Variants in PTPRD observed in about 807,000 individuals in gnomAD.
The protein encoded by PTPRD is receptor-type tyrosine-protein phosphatase delta.
In PTPRD, 34 loss-of-function variants were observed where a neutral mutation model predicts 214.5. The ratio of observed to expected loss-of-function variants is 0.16; its 90% CI spans 0.12 to 0.21. The LOEUF (loss-of-function observed/expected upper bound fraction) is 0.21, where lower values mean the gene tolerates loss of function less well. PTPRD is among the 10% of genes least tolerant of loss of function. PTPRD has a pLI of 1.00. For missense variants in PTPRD, 2,545 were observed against 2,398.7 expected (o/e 1.06, Z -1.27); for synonymous variants, 1,128 against 845.7 (o/e 1.33, Z -5.79).
chr9:9,836,321 C>G (rs1316589502), intron 5 of PTPRD, among the ~76,000 whole-genome samples: 1 of 152,150 alleles, frequency 6.6e-6, no homozygotes, highest in Non-Finnish European at 1.5e-5. Flanking sequence ...TAGACAATAT[C>G]AGGTAAACAA....
intron 9 of PTPRD, among the ~76,000 whole-genome samples, chr9:9,270,997 G>C (rs569384855): frequency 3.3e-5 from 5 of 151,310 alleles, no homozygotes; most frequent in Non-Finnish European, 7.4e-5. Flanking sequence ...AAAGCTTTGA[G>C]GGTTGGGGAT....
intron 11 of PTPRD, among the ~76,000 whole-genome samples, chr9:8,777,796 C>T (rs1466739109): frequency 1.3e-5 from 2 of 152,132 alleles, no homozygotes; most frequent in Non-Finnish European, 2.9e-5. Context: ...AGATATGATC[C>T]TATGGGACCT....
At chr9:10,268,877 G>C (rs770990096) in intron 3 of PTPRD, among the ~76,000 whole-genome samples, 4 of 152,208 alleles carry the variant, frequency 2.6e-5, no homozygotes, top group Non-Finnish European at 5.9e-5. Flanking sequence ...ATCTAGGGCA[G>C]GGATTTTCAG....
intron 7 of PTPRD, among the ~76,000 whole-genome samples, chr9:9,726,218 AC>A (rs2098088028): frequency 6.6e-6 from 1 of 152,146 alleles, no homozygotes; most frequent in African/African-American, 2.4e-5. Context: ...TCCATCCTAC[AC>A]CAAAAAAACT....
At chr9:9,324,053 A>T (rs951359749) in intron 9 of PTPRD, among the ~76,000 whole-genome samples, 2 of 152,110 alleles carry the variant, frequency 1.3e-5, no homozygotes, top group East Asian at 3.9e-4. Context: ...TATTCCATGT[A>T]GTATATGTGC....
intron 3 of PTPRD, among the ~76,000 whole-genome samples, chr9:10,109,014 T>G (rs2098664595): frequency 6.6e-6 from 1 of 152,108 alleles, no homozygotes; most frequent in African/African-American, 2.4e-5. Flanking sequence ...CATTTGCACG[T>G]TCACACTTTA....
chr9:10,311,998 T>C (rs2096278878), intron 3 of PTPRD, among the ~76,000 whole-genome samples: 1 of 152,066 alleles, frequency 6.6e-6, no homozygotes, highest in Middle Eastern at 3.4e-3. Flanking sequence ...AGTTAATTGC[T>C]TGTGTTTCTC....
chr9:10,157,426 AT>A (rs2099100276), intron 3 of PTPRD, among the ~76,000 whole-genome samples: 1 of 152,154 alleles, frequency 6.6e-6, no homozygotes, highest in South Asian at 2.1e-4. Flanking sequence ...CTGGATTTGA[AT>A]TTCTTTTCCT....
intron 7 of PTPRD, among the ~76,000 whole-genome samples, chr9:9,706,487 T>C (rs1239890439): frequency 6.6e-6 from 1 of 151,962 alleles, no homozygotes; most frequent in Non-Finnish European, 1.5e-5. Flanking sequence ...TCTCACAGGC[T>C]GGAGTGCAAT....
intron 2 of PTPRD, among the ~76,000 whole-genome samples, chr9:10,464,184 G>A (rs113213136): frequency 0.029 from 4,448 of 152,066 alleles, 190 homozygotes; most frequent in African/African-American, 0.096. Flanking sequence ...GATAACTTGA[G>A]GTCAGGAGTT....
intron 14 of PTPRD, among the ~76,000 whole-genome samples, chr9:8,564,032 G>A (rs145628476): frequency 6.6e-6 from 1 of 152,142 alleles, no homozygotes; most frequent in African/African-American, 2.4e-5. Flanking sequence ...ACTACACTTT[G>A]AATTATGAAT....
At chr9:8,377,378 G>C (rs1428851817) in intron 37 of PTPRD, among the ~76,000 whole-genome samples, 1 of 151,990 alleles carries the variant, frequency 6.6e-6, no homozygotes, top group East Asian at 1.9e-4. Flanking sequence ...ATTCATCCAA[G>C]ATGAATAATC....
At chr9:10,247,175 G>T (rs1343602017) in intron 3 of PTPRD, among the ~76,000 whole-genome samples, 1 of 152,062 alleles carries the variant, frequency 6.6e-6, no homozygotes, top group Non-Finnish European at 1.5e-5. Context: ...ATTGTTAATA[G>T]TTCATATTAA....
At chr9:10,133,481 C>A (rs980876891) in intron 3 of PTPRD, among the ~76,000 whole-genome samples, 1 of 151,956 alleles carries the variant, frequency 6.6e-6, no homozygotes, top group African/African-American at 2.4e-5. Context: ...AATATAAAAG[C>A]ATATACCTGT....
chr9:9,316,155 C>T (rs574909839), intron 9 of PTPRD, among the ~76,000 whole-genome samples: 6 of 151,942 alleles, frequency 3.9e-5, no homozygotes, highest in East Asian at 3.9e-4. Context: ...CTATAAAGTA[C>T]GTTATTCTAT....
intron 11 of PTPRD, among the ~76,000 whole-genome samples, chr9:8,841,059 G>T (rs2097548207): frequency 6.6e-6 from 1 of 152,180 alleles, no homozygotes; most frequent in African/African-American, 2.4e-5. Context: ...TGGTGAGGAT[G>T]AGAAGATGGA....
At chr9:8,999,513 T>C (rs1452515620) in intron 11 of PTPRD, among the ~76,000 whole-genome samples, 1 of 152,116 alleles carries the variant, frequency 6.6e-6, no homozygotes, top group African/African-American at 2.4e-5. Context: ...TAGACTACAA[T>C]AGACTGTGAA....
intron 5 of PTPRD, among the ~76,000 whole-genome samples, chr9:9,931,484 G>T (rs573875487): frequency 1.3e-5 from 2 of 152,148 alleles, no homozygotes; most frequent in African/African-American, 4.8e-5. Context: ...CTGGAAAATC[G>T]GGTCGCTCCC....
chr9:9,380,382 ATTTTTG>A (rs2061867077), intron 9 of PTPRD, among the ~76,000 whole-genome samples: 1 of 151,938 alleles, frequency 6.6e-6, no homozygotes, highest in South Asian at 2.1e-4. Context: ...TTTAATTTTA[ATTTTTG>A]TGGGTACACA....
Sources: gnomAD v4.1 joint callset for allele counts (sites outside exome capture counted in the v4.1 genomes callset) on GRCh38, gnomAD v4.1.1 for gene constraint, MANE v1.5 for transcripts, NCBI Gene and HGNC (gene_info 2026-07-23, HGNC 2026-07-21) for gene names.